Variants in SETD3 observed in about 807,000 individuals in gnomAD.
SETD3 encodes actin-histidine N-methyltransferase.
Under a neutral mutation model 63.0 loss-of-function variants are expected in SETD3, and 19 were observed. The ratio of observed to expected loss-of-function variants is 0.30; its 90% CI spans 0.21 to 0.44. The LOEUF (loss-of-function observed/expected upper bound fraction) is 0.44. SETD3 is among the 20% of genes least tolerant of loss of function. The probability of loss-of-function intolerance (pLI) is 1.00; values close to 1 mark genes in which losing one functional copy is unlikely to be tolerated. For missense variants in SETD3, 587 were observed against 728.5 expected (o/e 0.81, Z 2.24); for synonymous variants, 286 against 264.1 (o/e 1.08, Z -0.80).
At chr14:99,460,846 AC>A (rs1286843087) in intron 4 of SETD3, among the ~76,000 whole-genome samples, 1 of 152,112 alleles carries the variant, frequency 6.6e-6, no homozygotes, top group African/African-American at 2.4e-5. Context: ...CCAGTCCTCC[AC>A]CCACTCACCT....
chr14:99,460,416 C>T (rs1466342064), intron 4 of SETD3, among the ~76,000 whole-genome samples: 1 of 152,082 alleles, frequency 6.6e-6, no homozygotes, highest in Non-Finnish European at 1.5e-5. Context: ...ACAGACTCCC[C>T]CACCTAGTTA....
At chr14:99,404,334 C>T (rs1480130684) in intron 10 of SETD3, 24 bp from the exon 11 acceptor site, 3 of 1,608,178 alleles carry the variant, frequency 1.9e-6, no homozygotes, top group South Asian at 2.2e-5. Context: ...AAAGCAAGAT[C>T]AGTCACCCTG....
chr14:99,483,424 A>T (rs1896405606), upstream of SETD3, among the ~76,000 whole-genome samples: 1 of 152,156 alleles, frequency 6.6e-6, no homozygotes, highest in Non-Finnish European at 1.5e-5. Flanking sequence ...GTGGAGGTGC[A>T]TGCCTGTAGT....
chr14:99,415,685 T>C (rs1892253676), intron 6 of SETD3, among the ~76,000 whole-genome samples: 2 of 152,196 alleles, frequency 1.3e-5, no homozygotes, highest in African/African-American at 4.8e-5. Flanking sequence ...TTACATAATA[T>C]TTGCAGAATC....
At position 99,398,958 on chromosome 14, in the gene SETD3, A is replaced by T. The variant is rs372814420; in HGVS notation, c.1506T>A (p.Tyr502Ter). 4.3e-6 allele frequency: 7 copies of T among 1,614,052 alleles called. No homozygotes were observed. Among genetic ancestry groups the T allele is most frequent in the Non-Finnish European group, 5.9e-6 (7 of 1,179,958 alleles). ...CCAACAGCCCAAGGTTACTCTCTTC[A>T]TATTTGGGAAGCGGAGCCTTTTCCT... ...QMEEKAPLPK[Y>*]EESNLGLLES... Residue 502 changes from tyrosine (Y) to a stop codon, truncating the protein, a stop_gained, in exon 13 of 13, where the codon TAT becomes TAA. Transcript: ENST00000331768. LOFTEE classifies it low-confidence loss of function (END_TRUNC).
At chr14:99,400,075 A>C (rs1228530019) in intron 12 of SETD3, 24 bp downstream of exon 12, 7 of 1,579,534 alleles carry the variant, frequency 4.4e-6, no homozygotes, top group Non-Finnish European at 6.0e-6. Flanking sequence ...CAAGTTCAAA[A>C]CCTCATTTAT....
intron 8 of SETD3, among the ~76,000 whole-genome samples, chr14:99,407,619 C>A (rs1391608690): frequency 1.3e-5 from 2 of 152,114 alleles, no homozygotes; most frequent in African/African-American, 4.8e-5. Flanking sequence ...CTCACGCTTC[C>A]CTCCAGCTTC....
At chr14:99,456,545 G>A (rs574918046) in intron 6 of SETD3, among the ~76,000 whole-genome samples, 13 of 152,198 alleles carry the variant, frequency 8.5e-5, no homozygotes, top group Admixed American at 1.3e-4. Flanking sequence ...CTTCTCAATC[G>A]TTTACTTTTA....
chr14:99,422,530 G>C (rs931459993), intron 6 of SETD3, among the ~76,000 whole-genome samples: 1 of 152,146 alleles, frequency 6.6e-6, no homozygotes, highest in Non-Finnish European at 1.5e-5. Context: ...CTCTAGGGGT[G>C]CACCACAGAA....
chr14:99,414,741 G>A (rs752264223), intron 6 of SETD3, among the ~76,000 whole-genome samples: 12 of 152,106 alleles, frequency 7.9e-5, no homozygotes, highest in Non-Finnish European at 1.8e-4. Context: ...GAAATTAAAA[G>A]CTGTAATAGT....
Position 99,480,826 on chromosome 14 carries a change from C to T in SETD3, c.-107G>A, listed in dbSNP as rs1896272212. On this transcript the variant is annotated 5_prime_UTR_variant, in exon 1 of 13. Coordinates refer to ENST00000331768, the MANE Select transcript of SETD3 (RefSeq NM_032233.3). ...CAGGCGGTGGCGGCGGTGGCGGCGG[C>T]GGCGGCCGGACGGGAGGGGCGGGAC... 4 of 162,048 alleles carry T rather than the reference C, an allele frequency of 2.5e-5. No individual in the cohort carries two copies. Among genetic ancestry groups the T allele is most frequent in the Non-Finnish European group, 5.2e-5 (4 of 76,986 alleles). 10.0% of individuals were successfully genotyped at this position (162,048 alleles called of 1,614,324 possible).
chr14:99,412,580 T>TC (rs906650990), intron 8 of SETD3: 2 of 168,428 alleles, frequency 1.2e-5, no homozygotes, highest in African/African-American at 4.8e-5. Context: ...TGATTTTTTT[T>TC]CCCCAATAAA....
At chr14:99,479,234 G>T (rs1896132333) in intron 1 of SETD3, among the ~76,000 whole-genome samples, 1 of 152,380 alleles carries the variant, frequency 6.6e-6, no homozygotes, top group African/African-American at 2.4e-5. Context: ...ATCCAAGGTT[G>T]TCTGGGGTCC....
chr14:99,470,944 T>A (rs748577381), intron 1 of SETD3, among the ~76,000 whole-genome samples: 71 of 152,176 alleles, frequency 4.7e-4, no homozygotes, highest in Non-Finnish European at 7.6e-4. Flanking sequence ...TTCCCTGACA[T>A]ACACACTCTT....
Position 99,413,920 on chromosome 14 carries a change from G to A in SETD3, c.690C>T (p.Ala230=). ...AAGAATCCTTCAAGGGTAGTTTGTT[G>A]GCATGAGGATGGGTCTGGGAATTAG... ...FYKVIQTHPH[A]NKLPLKDSFT... The change falls in exon 7 of 13, where the codon GCC becomes GCT. Residue 230 remains alanine (A), a synonymous_variant. Transcript: ENST00000331768. The A allele has an allele frequency of 6.2e-7, 1 of 1,614,108 alleles. No individual in the cohort carries two copies. The highest frequency in any genetic ancestry group is 8.5e-7 in the Non-Finnish European group (1 of 1,179,960).
At position 99,405,294 on chromosome 14, in the gene SETD3, G is replaced by A. The variant is rs769526638; in HGVS notation, c.1002C>T (p.His334=). The A allele has an allele frequency of 1.1e-5, 17 of 1,613,830 alleles. No individual in the cohort carries two copies. The highest frequency in any genetic ancestry group is 5.0e-5 in the Admixed American group (3 of 59,984). Reference sequence around the variant, plus strand: ...CTCCAAGCTTTATTTTCACTCTGTCGTGTGAGTTATTGTCAAAGAAAAAAC... The same window carrying A: ...CTCCAAGCTTTATTTTCACTCTGTCATGTGAGTTATTGTCAAAGAAAAAAC... ...HSGFFFDNNS[H]DRVKIKLGVS... is the part of the protein sequence containing the mutation. Residue 334 remains histidine (H), a synonymous_variant, in exon 10 of 13, where the codon CAC becomes CAT. Transcript: ENST00000331768.
At chr14:99,454,315 G>A (rs1894632444) in intron 6 of SETD3, among the ~76,000 whole-genome samples, 4 of 151,966 alleles carry the variant, frequency 2.6e-5, no homozygotes, top group Non-Finnish European at 2.9e-5. Context: ...TCAGCCTCCC[G>A]AGTAGCTGGG....
Position 99,465,718 on chromosome 14 carries a change from T to G in SETD3, c.88A>C (p.Ser30Arg), listed in dbSNP as rs982595962. 2 of 1,613,856 alleles carry G rather than the reference T, an allele frequency of 1.2e-6. No homozygotes were observed. Among genetic ancestry groups the G allele is most frequent in the Admixed American group, 3.3e-5 (2 of 59,992 alleles). Residue 30 changes from serine (S) to arginine (R), a missense_variant, in exon 2 of 13, where the codon AGT (serine) becomes CGT (arginine). Coordinates refer to ENST00000331768, the MANE Select transcript of SETD3 (RefSeq NM_032233.3). ...VSPKEILNLT[S>R]ELLQKCSSPA... ...GAGGACTTACTCTGCAGCAGCTCACTGGTCAGGTTCAAGATTTCCTTTGGT... is the reference window on the plus strand; with the variant it reads ...GAGGACTTACTCTGCAGCAGCTCACGGGTCAGGTTCAAGATTTCCTTTGGT...
chr14:99,426,127 C>A (rs866604235), intron 6 of SETD3, among the ~76,000 whole-genome samples: 2 of 152,216 alleles, frequency 1.3e-5, no homozygotes, highest in African/African-American at 2.4e-5. Flanking sequence ...TCCGCCCCCC[C>A]ATCCACTTAG....
Sources: gnomAD v4.1 joint callset for allele counts (sites outside exome capture counted in the v4.1 genomes callset) on GRCh38, gnomAD v4.1.1 for gene constraint, MANE v1.5 for transcripts, NCBI Gene and HGNC (gene_info 2026-07-23, HGNC 2026-07-21) for gene names.